XYLT1: variants seen among roughly 807,000 people sequenced by gnomAD.
XYLT1 encodes the protein xylosyltransferase 1, also known as beta-D-xylosyltransferase 1.
XYLT1 carries 36 observed loss-of-function variants against 91.3 expected under a neutral mutation model. That is an observed-to-expected ratio of 0.39 (90% CI 0.30 to 0.52). XYLT1 has a LOEUF of 0.52. Ranked by LOEUF, XYLT1 falls within the 20% of genes least tolerant of loss-of-function variation. The probability of loss-of-function intolerance (pLI) is 0.68; values close to 1 mark genes in which losing one functional copy is unlikely to be tolerated. For missense variants in XYLT1, 1,242 were observed against 1,284.5 expected, an observed-to-expected ratio of 0.97 and a Z score of 0.51; for synonymous variants, 588 against 532.0, an observed-to-expected ratio of 1.11 and a Z score of -1.45.
rs1469356033 is a variant in XYLT1 at position 17,104,649 on chromosome 16, CAAAA to C, written c.*4042_*4045del. On this transcript the variant is annotated 3_prime_UTR_variant, in exon 12 of 12. Transcript: ENST00000261381. ...TTTGCCCACTATCTGTTAAAAAAAA[CAAAA>C]ACAAACAAACAAACAACCCGACGTT... is the stretch of plus-strand genomic sequence containing the variant. 6.6e-6 allele frequency: 1 copy of C among 151,720 alleles called. No homozygotes were observed. Among genetic ancestry groups the C allele is most frequent in the Non-Finnish European group, 1.5e-5 (1 of 67,970 alleles). The allele number at this position is 151,720 out of a possible 1,614,324, so 9.4% of individuals were successfully genotyped here.
intron 5 of XYLT1, among the ~76,000 whole-genome samples, chr16:17,183,074 G>A (rs1205197539): frequency 2.0e-5 from 3 of 152,172 alleles, no homozygotes; most frequent in African/African-American, 7.2e-5. Flanking sequence ...ACAACACACT[G>A]CATAAAGCAT....
At chr16:17,225,567 G>A (rs7191493) in intron 3 of XYLT1, among the ~76,000 whole-genome samples, 15 of 151,464 alleles carry the variant, frequency 9.9e-5, no homozygotes, top group South Asian at 4.2e-4. Context: ...TGCTTGAAGC[G>A]TTTCAGGAAT....
rs184027227 is a variant in XYLT1 at position 17,244,697 on chromosome 16, A to G, written c.913+14291T>C. 2.0e-5 allele frequency among the ~76,000 whole-genome samples: 3 copies of G among 152,320 alleles called. No individual in the cohort carries two copies. In the East Asian group the frequency reaches 5.8e-4, roughly 29 times the overall value. On this transcript the variant is annotated intron_variant, in intron 3 of 11. Transcript: ENST00000261381. ...TGATGTATCCAGAATGGTACTAGTT[A>G]TGTACATCTTTGAGAGATCTGAGAA...
At chr16:17,225,574 G>C (rs1330767362) in intron 3 of XYLT1, among the ~76,000 whole-genome samples, 1 of 151,334 alleles carries the variant, frequency 6.6e-6, no homozygotes, top group Non-Finnish European at 1.5e-5. Context: ...AGCGTTTCAG[G>C]AATGGTTTTG....
chr16:17,198,461 T>C, intron 4 of XYLT1, 47 bp from the exon 5 acceptor site: 1 of 1,574,512 alleles, frequency 6.4e-7, no homozygotes. Flanking sequence ...GCCTAGAAAA[T>C]ACCCAGGCAT....
At chr16:17,341,532 A>G (rs576278223) in intron 2 of XYLT1, among the ~76,000 whole-genome samples, 52 of 152,194 alleles carry the variant, frequency 3.4e-4, no homozygotes, top group Non-Finnish European at 7.2e-4. Flanking sequence ...ACATGAATAC[A>G]CTCATGTACA....
chr16:17,136,751 A>G (rs1597144312), intron 8 of XYLT1, among the ~76,000 whole-genome samples: 1 of 152,106 alleles, frequency 6.6e-6, no homozygotes, highest in South Asian at 2.1e-4. Context: ...CCTTACAGGC[A>G]GCAGTGTCTT....
At chr16:17,166,867 T>A (rs535889963) in intron 5 of XYLT1, among the ~76,000 whole-genome samples, 367 of 152,246 alleles carry the variant, frequency 2.4e-3, no homozygotes, top group Non-Finnish European at 4.5e-3. Flanking sequence ...CTGCCAGGAA[T>A]GCTCCTCCCT....
At chr16:17,126,435 T>TGGCTGCTCACATCCAGC (rs1432649879) in intron 10 of XYLT1, among the ~76,000 whole-genome samples, 8 of 152,204 alleles carry the variant, frequency 5.3e-5, no homozygotes, top group Admixed American at 5.2e-4. Context: ...TGGGCTCCCT[T>TGGCTGCTCACATCCAGC]GGCTGCTCAC....
chr16:17,114,704 C>T (rs1323239252), intron 11 of XYLT1, among the ~76,000 whole-genome samples: 1 of 152,150 alleles, frequency 6.6e-6, no homozygotes, highest in Non-Finnish European at 1.5e-5. Context: ...GGCTGTAATG[C>T]ATTTCTGGCT....
intron 3 of XYLT1, among the ~76,000 whole-genome samples, chr16:17,244,079 C>T (rs547760480): frequency 3.9e-5 from 6 of 152,236 alleles, no homozygotes; most frequent in East Asian, 1.9e-4. Flanking sequence ...CATGTCCAGA[C>T]GTCCCGAGGG....
intron 7 of XYLT1, among the ~76,000 whole-genome samples, chr16:17,139,435 G>A (rs1043422291): frequency 5.3e-5 from 8 of 152,128 alleles, no homozygotes; most frequent in African/African-American, 1.7e-4. Context: ...CTGGGGCCAG[G>A]GAGGGGCAGA....
intron 1 of XYLT1, among the ~76,000 whole-genome samples, chr16:17,437,567 T>A (rs1440439414): frequency 4.6e-5 from 7 of 152,168 alleles, no homozygotes; most frequent in Non-Finnish European, 1.5e-5. Flanking sequence ...TGCTCAGAGT[T>A]ACATGTCTCT....
intron 11 of XYLT1, among the ~76,000 whole-genome samples, chr16:17,109,885 A>C (rs1398941655): frequency 6.6e-6 from 1 of 152,160 alleles, no homozygotes; most frequent in African/African-American, 2.4e-5. Flanking sequence ...TCTGCTTCCT[A>C]GAAGCCTAAG....
At chr16:17,427,489 A>G (rs1596540323) in intron 1 of XYLT1, among the ~76,000 whole-genome samples, 1 of 152,172 alleles carries the variant, frequency 6.6e-6, no homozygotes, top group Non-Finnish European at 1.5e-5. Flanking sequence ...ACAGACCCTC[A>G]CTGTGTTCTC....
chr16:17,400,423 C>G (rs1319935091), intron 1 of XYLT1, among the ~76,000 whole-genome samples: 1 of 152,058 alleles, frequency 6.6e-6, no homozygotes, highest in Admixed American at 6.6e-5. Flanking sequence ...AACCCTGTCT[C>G]TACTAAAAAT....
chr16:17,357,983 T>A (rs201659000), intron 2 of XYLT1, 29 bp downstream of exon 2: 1 of 1,611,990 alleles, frequency 6.2e-7, no homozygotes, highest in South Asian at 1.1e-5. Flanking sequence ...AAGGCTGAGA[T>A]AAGTGGCCAA....
At chr16:17,429,011 A>G (rs6498708) in intron 1 of XYLT1, among the ~76,000 whole-genome samples, 1 of 152,118 alleles carries the variant, frequency 6.6e-6, no homozygotes, top group Non-Finnish European at 1.5e-5. Context: ...CCAACTGCTC[A>G]AAAGACTCAG....
intron 1 of XYLT1, among the ~76,000 whole-genome samples, chr16:17,381,037 GTTGT>G (rs1225706085): frequency 6.6e-6 from 1 of 152,170 alleles, no homozygotes; most frequent in Non-Finnish European, 1.5e-5. Flanking sequence ...CTTTGTTGTC[GTTGT>G]TTCTTTTTTT....
Sources: allele counts gnomAD v4.1 joint callset (sites outside exome capture counted in the v4.1 genomes callset), GRCh38; gene constraint gnomAD v4.1.1; transcripts MANE v1.5; gene names NCBI Gene and HGNC (gene_info 2026-07-23, HGNC 2026-07-21).